The following SCN1A variants were observed in gnomAD, a reference collection of about 807,000 sequenced individuals.
SCN1A encodes the protein sodium voltage-gated channel alpha subunit 1.
SCN1A carries 13 observed loss-of-function variants against 193.7 expected under a neutral mutation model. The ratio of observed to expected loss-of-function variants is 0.07; its 90% CI spans 0.04 to 0.11. The LOEUF is 0.11. Ranked by LOEUF, SCN1A falls within the 10% of genes least tolerant of loss-of-function variation. The probability of loss-of-function intolerance (pLI) is 1.00; values close to 1 mark genes in which losing one functional copy is unlikely to be tolerated. For synonymous variants in SCN1A, 781 were observed against 843.6 expected (o/e 0.93, Z 1.29); for missense variants, 1,432 against 2,451.1 (o/e 0.58, Z 8.78).
In SCN1A at chr2:166,114,296, A is replaced by G. The variant is rs545951344; in HGVS notation, c.-142+12628T>C. Among the ~76,000 whole-genome samples, 11 of 152,312 alleles carry G rather than the reference A, an allele frequency of 7.2e-5. No homozygotes were observed. In the South Asian group the frequency reaches 2.3e-3, roughly 32 times the overall value. ...GTTTCTGAAAGCAGGAAAACATCTG[A>G]GAGTATTAAAGAACTAGCCCAAATG... On this transcript the variant is annotated intron_variant, in intron 2 of 28. Transcript: ENST00000674923.
intron 2 of SCN1A, among the ~76,000 whole-genome samples, chr2:166,113,651 T>C (rs1451670494): frequency 1.3e-5 from 2 of 152,184 alleles, no homozygotes; most frequent in Non-Finnish European, 2.9e-5. Flanking sequence ...ATTAGATGCA[T>C]ACACCAAGGT....
Position 165,998,052 on chromosome 2 carries a change from G to T in SCN1A, c.4462C>A (p.Gln1488Lys). The change falls in exon 26 of 29, where the codon CAG becomes AAG. Residue 1488 changes from glutamine to lysine, a missense_variant. This residue lies in a region of SCN1A where 85 missense variants were observed against 119.1 expected (regional missense o/e 0.71). Coordinates refer to ENST00000674923, the MANE Select transcript of SCN1A (RefSeq NM_001165963.4). The part of the protein sequence containing the change: ...FIGVIIDNFN[Q>K]QKKKFGGQDI... ...GAAATACTTATCTTCTTTTTCTGCTGGTTGAAATTATCTATGATGACACCA... is the reference window on the plus strand; with the variant it reads ...GAAATACTTATCTTCTTTTTCTGCTTGTTGAAATTATCTATGATGACACCA... The T allele has an allele frequency of 6.2e-7, 1 of 1,603,104 alleles. No individual in the cohort carries two copies. The highest frequency in any genetic ancestry group is 1.7e-4 in the Middle Eastern group (1 of 5,894).
intron 1 of SCN1A, among the ~76,000 whole-genome samples, chr2:166,139,725 G>C (rs1484095400): frequency 6.6e-6 from 1 of 152,088 alleles, no homozygotes; most frequent in African/African-American, 2.4e-5. Flanking sequence ...AAGTGAAAGG[G>C]GAAACCCCTT....
At chr2:166,140,819 G>A (rs1417436331) in intron 1 of SCN1A, among the ~76,000 whole-genome samples, 1 of 152,092 alleles carries the variant, frequency 6.6e-6, no homozygotes, top group Non-Finnish European at 1.5e-5. Context: ...CTTGATGTTT[G>A]TGAAGACACG....
At chr2:166,097,762 G>A (rs867792066) in intron 2 of SCN1A, among the ~76,000 whole-genome samples, 2 of 152,076 alleles carry the variant, frequency 1.3e-5, no homozygotes, top group Admixed American at 6.6e-5. Flanking sequence ...AAAATATTTT[G>A]TAGGGACAGG....
At chr2:166,085,854 G>A (rs1686055635) in intron 2 of SCN1A, among the ~76,000 whole-genome samples, 1 of 152,046 alleles carries the variant, frequency 6.6e-6, no homozygotes, top group African/African-American at 2.4e-5. Context: ...TATCTGCAAT[G>A]GTTACTATGG....
intron 2 of SCN1A, among the ~76,000 whole-genome samples, chr2:166,125,352 G>C (rs142636264): frequency 0.021 from 3,145 of 152,242 alleles, 51 homozygotes; most frequent in Non-Finnish European, 0.03. Flanking sequence ...AAAATAGTAG[G>C]TTCAGCCTCT....
chr2:166,073,311 T>G, intron 4 of SCN1A, 47 bp downstream of exon 4: 5 of 1,609,392 alleles, frequency 3.1e-6, no homozygotes, highest in Non-Finnish European at 4.2e-6. Flanking sequence ...GTCCAAGGAA[T>G]GCAGTAGGCA....
At position 166,040,404 on chromosome 2, in the gene SCN1A, C is replaced by T. The variant is rs758815493; in HGVS notation, c.2416-808G>A. ...ATTATACTAGGTGCATTACTATTGT[C>T]ATTCTTTGTTATGCACATGAAAAAA... On this transcript the variant is annotated intron_variant, in intron 16 of 28. Transcript: ENST00000674923. 1.6e-4 allele frequency among the ~76,000 whole-genome samples: 25 copies of T among 152,224 alleles called. No individual in the cohort carries two copies. In the South Asian group the frequency reaches 2.3e-3, roughly 14 times the overall value.
chr2:166,040,785 T>A (rs1174427128), intron 16 of SCN1A, among the ~76,000 whole-genome samples: 3 of 152,220 alleles, frequency 2.0e-5, no homozygotes, highest in Non-Finnish European at 4.4e-5. Flanking sequence ...GGATAAACAA[T>A]ACATGTACTA....
intron 16 of SCN1A, among the ~76,000 whole-genome samples, chr2:166,040,519 C>T (rs2105823779): frequency 6.6e-6 from 1 of 152,254 alleles, no homozygotes; most frequent in South Asian, 2.1e-4. Context: ...TTGTTTTCTA[C>T]CATCAAAAAT....
intron 19 of SCN1A, among the ~76,000 whole-genome samples, chr2:166,029,062 T>C (rs1273463475): frequency 6.6e-6 from 1 of 151,978 alleles, no homozygotes; most frequent in African/African-American, 2.4e-5. Flanking sequence ...TGATAAAGCA[T>C]AGGGAATTAC....
At chr2:166,013,060 T>A (rs1692754979) in intron 21 of SCN1A, among the ~76,000 whole-genome samples, 1 of 151,506 alleles carries the variant, frequency 6.6e-6, no homozygotes, top group Non-Finnish European at 1.5e-5. Flanking sequence ...TCTTTCTTTC[T>A]CTTTTTCTAT....
intron 26 of SCN1A, chr2:165,996,342 A>G: frequency 2.7e-6 from 1 of 373,342 alleles, no homozygotes; most frequent in East Asian, 5.6e-5. Context: ...TCTTATGAAG[A>G]CAAACACCCC....
intron 4 of SCN1A, among the ~76,000 whole-genome samples, chr2:166,070,729 A>G (rs1684328327): frequency 6.6e-6 from 1 of 152,208 alleles, no homozygotes; most frequent in Admixed American, 6.5e-5. Context: ...CATCCCCTCG[A>G]GACAATCACT....
intron 19 of SCN1A, 197 bp from the exon 20 acceptor site, chr2:166,015,924 T>G: frequency 1.7e-6 from 1 of 596,104 alleles, no homozygotes; most frequent in Non-Finnish European, 2.9e-6. Context: ...TAATTCACAA[T>G]GTAAGCTTGA....
chr2:166,092,328 C>A (rs924724097), intron 2 of SCN1A, among the ~76,000 whole-genome samples: 2 of 152,048 alleles, frequency 1.3e-5, no homozygotes, highest in Non-Finnish European at 2.9e-5. Context: ...CAGGATGTAG[C>A]ACTCATAGTT....
At chr2:166,054,862 A>G in intron 6 of SCN1A, 96 bp from the exon 7 acceptor site, 1 of 1,135,526 alleles carries the variant, frequency 8.8e-7, no homozygotes, top group South Asian at 1.4e-5. Context: ...GATAAATACT[A>G]AAAAAGAAAA....
intron 2 of SCN1A, among the ~76,000 whole-genome samples, chr2:166,091,778 C>G (rs1686832556): frequency 6.6e-6 from 1 of 152,186 alleles, no homozygotes; most frequent in Admixed American, 6.5e-5. Context: ...GTTTCTTTCC[C>G]CACGCCACTA....
Sources: allele counts gnomAD v4.1 joint callset (sites outside exome capture counted in the v4.1 genomes callset), GRCh38; gene constraint gnomAD v4.1.1; regional missense constraint gnomAD v4.1.1; transcripts MANE v1.5; gene names NCBI Gene and HGNC (gene_info 2026-07-23, HGNC 2026-07-21).